The following VPS13A variants were observed in gnomAD, a reference collection of about 807,000 sequenced individuals.
VPS13A encodes the protein vacuolar protein sorting 13 homolog A, also known as intermembrane lipid transfer protein VPS13A.
VPS13A carries 264 observed loss-of-function variants against 390.9 expected under a neutral mutation model. That is an observed-to-expected ratio of 0.68 (90% CI 0.61 to 0.75). The LOEUF is 0.75. Ranked by LOEUF, VPS13A falls within the 30% of genes least tolerant of loss-of-function variation. The pLI is 0.00. For synonymous variants in VPS13A, 1,231 were observed against 1,227.1 expected (o/e 1.00, Z -0.07); for missense variants, 3,409 against 3,733.9 (o/e 0.91, Z 2.27).
Position 77,412,515 on chromosome 9 carries a change from G to A in VPS13A, c.9475-3441G>A, listed in dbSNP as rs559076578. 3.3e-5 allele frequency among the ~76,000 whole-genome samples: 5 copies of A among 152,284 alleles called. 1 individual carries two copies. The South Asian group carries it at 8.3e-4, about 25-fold the overall frequency. ...AAACCATATGATTATCGCAATACAT[G>A]CAGAAAAGGCCTTTGACGAAATTCA... is the stretch of plus-strand genomic sequence containing the variant. On this transcript the variant is annotated intron_variant, in intron 71 of 71. Transcript: ENST00000360280.
chr9:77,333,148 C>T (rs1405758484), intron 46 of VPS13A, among the ~76,000 whole-genome samples: 3 of 152,106 alleles, frequency 2.0e-5, no homozygotes, highest in Non-Finnish European at 4.4e-5. Context: ...TTAAAAATTT[C>T]TGTGAAGAAC....
chr9:77,278,597 T>G (rs548305726), intron 26 of VPS13A, among the ~76,000 whole-genome samples: 141 of 152,168 alleles, frequency 9.3e-4, no homozygotes, highest in Non-Finnish European at 1.8e-3. Flanking sequence ...AGTGGGAACT[T>G]TTTTAAGGCT....
rs74564833 is a variant in VPS13A at position 77,330,311 on chromosome 9, G to A, written c.5992-1699G>A. On this transcript the variant is annotated intron_variant, in intron 45 of 71. Coordinates refer to ENST00000360280, the MANE Select transcript of VPS13A (RefSeq NM_033305.3). ...AATTATAATAGGTGTGAGCCACTGC[G>A]CCCACCCACTTTTATACAGACGGAT... Among the ~76,000 whole-genome samples the A allele has an allele frequency of 9.8e-3, 1,496 of 152,182 alleles. 41 individuals carry two copies. The highest frequency in any genetic ancestry group is 0.073 in the East Asian group (379 of 5,182).
At chr9:77,328,723 C>A (rs1189884309) in intron 45 of VPS13A, among the ~76,000 whole-genome samples, 1 of 152,178 alleles carries the variant, frequency 6.6e-6, no homozygotes, top group African/African-American at 2.4e-5. Flanking sequence ...TTTTCTGCAA[C>A]TTGCTCATGT....
chr9:77,260,019 T>A, intron 22 of VPS13A, 67 bp from the exon 23 acceptor site: 1 of 1,053,658 alleles, frequency 9.5e-7, no homozygotes, highest in South Asian at 1.5e-5. Flanking sequence ...AGAACAGTCT[T>A]TTTAATTAGT....
intron 1 of VPS13A, among the ~76,000 whole-genome samples, chr9:77,183,220 A>G (rs941824965): frequency 3.3e-5 from 5 of 152,250 alleles, no homozygotes; most frequent in Non-Finnish European, 7.3e-5. Context: ...TTATTGACGT[A>G]TAATTAACAT....
At chr9:77,242,764 C>T (rs1256720809) in intron 19 of VPS13A, among the ~76,000 whole-genome samples, 1 of 151,774 alleles carries the variant, frequency 6.6e-6, no homozygotes, top group African/African-American at 2.4e-5. Flanking sequence ...TTATTTACCT[C>T]AACTTTTATT....
At position 77,206,324 on chromosome 9, in the gene VPS13A, ATT is replaced by A. The variant is rs71930615; in HGVS notation, c.385+250_385+251del. On this transcript the variant is annotated intron_variant, in intron 5 of 71. Coordinates refer to ENST00000360280, the MANE Select transcript of VPS13A (RefSeq NM_033305.3). ...CTTATTATTATTATTAGGTTTACAT[ATT>A]TTTTATATATATATATATACACACA... Among the ~76,000 whole-genome samples the A allele has an allele frequency of 0.03, 3,287 of 109,344 alleles. 121 individuals are homozygous for A. Among genetic ancestry groups the A allele is most frequent in the African/African-American group, 0.099 (3,110 of 31,566 alleles). 71.7% of individuals were successfully genotyped at this position (109,344 alleles called of 152,430 possible).
rs777485393 is a variant in VPS13A at position 77,315,356 on chromosome 9, T to C, written c.4516T>C (p.Tyr1506His). The change falls in exon 38 of 72, where the codon TAT becomes CAT. Residue 1506 changes from tyrosine to histidine, a missense_variant. By Grantham distance (83) the Tyr-to-His change is moderately conservative. Around this residue, in one of 5 missense-constraint regions of VPS13A, gnomAD observed 2,717 missense variants for 2,917.4 expected, o/e 0.93. Transcript: ENST00000360280. ...CVTDAVFQEM[Y>H]ICASVEFLQT... ...GACTGATGCGGTCTTTCAAGAAATG[T>C]ATATTTGTGCAAGCGTAGAATTTCT... 1.2e-6 allele frequency: 2 copies of C among 1,613,918 alleles called. No homozygotes were observed. Among genetic ancestry groups the C allele is most frequent in the Admixed American group, 1.7e-5 (1 of 60,000 alleles).
At chr9:77,261,871 A>C (rs1422891555) in intron 23 of VPS13A, among the ~76,000 whole-genome samples, 1 of 152,232 alleles carries the variant, frequency 6.6e-6, no homozygotes. Context: ...GGCGTGAGCC[A>C]CTGTGCCCAG....
At chr9:77,350,962 A>G (rs1831432251) in intron 52 of VPS13A, 1 of 261,258 alleles carries the variant, frequency 3.8e-6, no homozygotes, top group Admixed American at 5.1e-5. Context: ...TAGTAAGACC[A>G]ATACTTAGGA....
chr9:77,397,455 T>G (rs1366531411), intron 68 of VPS13A, among the ~76,000 whole-genome samples: 3 of 152,242 alleles, frequency 2.0e-5, no homozygotes, highest in Non-Finnish European at 4.4e-5. Context: ...ATATATTTCC[T>G]ATTAATGATT....
chr9:77,252,422 T>A, intron 22 of VPS13A, 70 bp downstream of exon 22: 3 of 1,195,658 alleles, frequency 2.5e-6, no homozygotes. Context: ...ATACCATACT[T>A]AACTGACTCT....
intron 51 of VPS13A, 120 bp from the exon 52 acceptor site, chr9:77,344,888 GT>G: frequency 1.8e-6 from 2 of 1,092,122 alleles, no homozygotes; most frequent in Non-Finnish European, 2.7e-6. Flanking sequence ...ATTCTGAATT[GT>G]TTTCTCAGTC....
intron 35 of VPS13A, among the ~76,000 whole-genome samples, chr9:77,308,705 G>C (rs1828904638): frequency 6.6e-6 from 1 of 152,128 alleles, no homozygotes; most frequent in Non-Finnish European, 1.5e-5. Context: ...CATACAGAGG[G>C]TCAGTTAGTG....
In VPS13A at chr9:77,419,796, T is replaced by A. The variant is rs1235267426; in HGVS notation, c.*3790T>A. The stretch of plus-strand genomic sequence containing the variant: ...ACATACATTGTCCTTTTGAGTCCGT[T>A]GAATCTGCACCATCTACCTTTTGGC... On this transcript the variant is annotated 3_prime_UTR_variant, in exon 72 of 72. Coordinates refer to ENST00000360280, the MANE Select transcript of VPS13A (RefSeq NM_033305.3). 2 of 152,218 alleles carry A rather than the reference T, an allele frequency of 1.3e-5. No homozygotes were observed. The highest frequency in any genetic ancestry group is 4.8e-5 in the African/African-American group (2 of 41,452). 9.4% of individuals were successfully genotyped at this position (152,218 alleles called of 1,614,324 possible). A position where few individuals can be genotyped will look rare whatever the true frequency, so the allele number is the denominator to read the frequency against.
chr9:77,305,316 T>C (rs192906304), intron 34 of VPS13A, among the ~76,000 whole-genome samples: 1 of 152,362 alleles, frequency 6.6e-6, no homozygotes, highest in Non-Finnish European at 1.5e-5. Context: ...GTGTGTAAGA[T>C]AATAATGGCT....
At chr9:77,321,361 G>C (rs761544560) in intron 43 of VPS13A, 34 bp downstream of exon 43, 3 of 1,586,978 alleles carry the variant, frequency 1.9e-6, no homozygotes, top group Non-Finnish European at 2.6e-6. Context: ...TAAATATTGA[G>C]ATACTTGTCT....
chr9:77,272,599 A>C (rs1472459346), intron 23 of VPS13A, among the ~76,000 whole-genome samples: 1 of 152,208 alleles, frequency 6.6e-6, no homozygotes, highest in Non-Finnish European at 1.5e-5. Context: ...TATATGCTAC[A>C]GTTTGGAAAG....
Sources: allele counts gnomAD v4.1 joint callset (sites outside exome capture counted in the v4.1 genomes callset), GRCh38; gene constraint gnomAD v4.1.1; regional missense constraint gnomAD v4.1.1; transcripts MANE v1.5; gene names NCBI Gene and HGNC (gene_info 2026-07-23, HGNC 2026-07-21).